ZBBX: variants seen among roughly 807,000 people sequenced by gnomAD.
ZBBX encodes the protein zinc finger B-box domain-containing protein 1.
In ZBBX, 101 loss-of-function variants were observed where a neutral mutation model predicts 108.5. The observed-to-expected ratio is 0.93, with a 90% confidence interval of 0.79 to 1.10. The LOEUF is 1.10. ZBBX is among the 50% of genes least tolerant of loss of function. ZBBX has a pLI of 0.00. For synonymous variants in ZBBX, 356 were observed against 323.4 expected, an observed-to-expected ratio of 1.10 and a Z score of -1.08; for missense variants, 1,009 against 941.4, an observed-to-expected ratio of 1.07 and a Z score of -0.94.
chr3:167,236,673 G>A (rs1720242262), downstream of ZBBX, among the ~76,000 whole-genome samples: 1 of 151,568 alleles, frequency 6.6e-6, no homozygotes, highest in Non-Finnish European at 1.5e-5. Flanking sequence ...TTCTAAATTG[G>A]ATCCTGCATG....
intron 20 of ZBBX, among the ~76,000 whole-genome samples, chr3:167,244,735 T>C (rs1721259274): frequency 6.6e-6 from 1 of 152,162 alleles, no homozygotes; most frequent in African/African-American, 2.4e-5. Context: ...GGATTAACAT[T>C]TATATTAGAA....
chr3:167,207,022 A>G, the ZBBX span, among the ~76,000 whole-genome samples: 167 of 152,318 alleles, frequency 1.1e-3, no homozygotes, highest in African/African-American at 3.9e-3. Flanking sequence ...TTAAACCAAT[A>G]ATACTTAATA....
At chr3:167,342,949 A>G (rs1740804246) in intron 9 of ZBBX, among the ~76,000 whole-genome samples, 1 of 151,864 alleles carries the variant, frequency 6.6e-6, no homozygotes, top group African/African-American at 2.4e-5. Context: ...TTATCTACCA[A>G]TTATACCTCA....
chr3:167,358,676 C>A (rs1743998500), intron 8 of ZBBX, among the ~76,000 whole-genome samples: 1 of 151,974 alleles, frequency 6.6e-6, no homozygotes, highest in Non-Finnish European at 1.5e-5. Flanking sequence ...GTGGCTCACA[C>A]CTGTAATCCC....
intron 20 of ZBBX, among the ~76,000 whole-genome samples, chr3:167,263,352 A>T (rs1724917288): frequency 6.6e-6 from 1 of 152,002 alleles, no homozygotes. Flanking sequence ...TTTTTATTTC[A>T]TGTAGGCACA....
chr3:167,198,149 T>C, the ZBBX span, among the ~76,000 whole-genome samples: 53 of 152,232 alleles, frequency 3.5e-4, 1 homozygote, highest in South Asian at 5.4e-3. Context: ...GATGAAACCA[T>C]AATAACCTTT....
chr3:167,245,241 G>A (rs563887231), intron 20 of ZBBX, among the ~76,000 whole-genome samples: 18 of 152,156 alleles, frequency 1.2e-4, no homozygotes, highest in South Asian at 4.1e-4. Context: ...GTGAAACCCC[G>A]TCTCTACTAA....
intron 1 of ZBBX, among the ~76,000 whole-genome samples, chr3:167,396,374 G>A (rs906475193): frequency 2.0e-5 from 3 of 152,002 alleles, no homozygotes; most frequent in African/African-American, 4.8e-5. Flanking sequence ...TCCTAGGGGC[G>A]ACATTGACCT....
rs1744217823 is a variant in ZBBX, at chr3:167,359,826, ACCTACTATACAGTATATGTATATAT to A, written c.432+19_432+43del. On this transcript the variant is annotated intron_variant, in intron 8 of 21. Coordinates refer to ENST00000675490, the MANE Select transcript of ZBBX (RefSeq NM_001199201.2). ...AAGTTCTATTCTAACTGCTTAATAT[ACCTACTATACAGTATATGTATATAT>A]ACTATATAACGTACATACCAGTAGA... 1.0e-6 allele frequency: 1 copy of A among 960,552 alleles called. No homozygotes were observed. Among genetic ancestry groups the A allele is most frequent in the African/African-American group, 1.7e-5 (1 of 58,138 alleles). 59.5% of individuals were successfully genotyped at this position (960,552 alleles called of 1,614,324 possible). A position where few individuals can be genotyped will look rare whatever the true frequency, so the allele number is the denominator to read the frequency against.
At chr3:167,198,502 TA>T in the ZBBX span, among the ~76,000 whole-genome samples, 1 of 152,228 alleles carries the variant, frequency 6.6e-6, no homozygotes, top group African/African-American at 2.4e-5. Context: ...AAAAGTCAAT[TA>T]AAAATATATT....
intron 18 of ZBBX, among the ~76,000 whole-genome samples, chr3:167,294,606 T>TA (rs1160518142): frequency 6.6e-6 from 1 of 151,944 alleles, no homozygotes; most frequent in African/African-American, 2.4e-5. Context: ...GAAGAAAACC[T>TA]GGCAATACCA....
chr3:167,243,013 T>C (rs1720945167), intron 20 of ZBBX, among the ~76,000 whole-genome samples: 1 of 152,158 alleles, frequency 6.6e-6, no homozygotes, highest in Non-Finnish European at 1.5e-5. Context: ...TTATAAGAAA[T>C]AAAAGCTTTA....
At chr3:167,332,957 A>G (rs1738901725) in intron 10 of ZBBX, among the ~76,000 whole-genome samples, 1 of 152,166 alleles carries the variant, frequency 6.6e-6, no homozygotes, top group Non-Finnish European at 1.5e-5. Context: ...CTGGTCTTCA[A>G]TACATTATTA....
chr3:167,225,806 C>A, the ZBBX span, among the ~76,000 whole-genome samples: 1 of 151,828 alleles, frequency 6.6e-6, no homozygotes, highest in East Asian at 2.0e-4. Context: ...GGTTGAGGAT[C>A]CAGAGAGCAC....
At chr3:167,336,078 A>T (rs1342092856) in intron 9 of ZBBX, among the ~76,000 whole-genome samples, 1 of 151,760 alleles carries the variant, frequency 6.6e-6, no homozygotes, top group Non-Finnish European at 1.5e-5. Context: ...TTTTCATTTT[A>T]TTTTTTTTAA....
the ZBBX span, among the ~76,000 whole-genome samples, chr3:167,204,331 G>A: frequency 6.9e-5 from 10 of 144,198 alleles, no homozygotes; most frequent in South Asian, 4.4e-4. Flanking sequence ...ATGCTGGTGC[G>A]CTGCACCCAC....
the ZBBX span, among the ~76,000 whole-genome samples, chr3:167,183,640 A>G: frequency 5.3e-5 from 8 of 152,250 alleles, no homozygotes; most frequent in Non-Finnish European, 8.8e-5. Context: ...ATGGGAAACT[A>G]AGGGATGGGC....
At chr3:167,282,525 C>G (rs1576883917) in intron 19 of ZBBX, 30 bp from the exon 20 acceptor site, 1 of 1,571,096 alleles carries the variant, frequency 6.4e-7, no homozygotes, top group Non-Finnish European at 8.6e-7. Flanking sequence ...GTTTTTAAAT[C>G]AACTTTTAAA....
intron 1 of ZBBX, among the ~76,000 whole-genome samples, chr3:167,402,930 T>C (rs1748470866): frequency 6.6e-6 from 1 of 152,056 alleles, no homozygotes; most frequent in African/African-American, 2.4e-5. Context: ...AACAAACTGT[T>C]AAAGACATAA....
Sources: gnomAD v4.1 joint callset for allele counts (sites outside exome capture counted in the v4.1 genomes callset) on GRCh38, gnomAD v4.1.1 for gene constraint, MANE v1.5 for transcripts, NCBI Gene and HGNC (gene_info 2026-07-23, HGNC 2026-07-21) for gene names.